The following DLG2 variants were observed in gnomAD, a reference collection of about 807,000 sequenced individuals.
The protein encoded by DLG2 is discs large MAGUK scaffold protein 2.
DLG2 carries 45 observed loss-of-function variants against 132.5 expected under a neutral mutation model. That is an observed-to-expected ratio of 0.34 (90% CI 0.27 to 0.44). The LOEUF (loss-of-function observed/expected upper bound fraction) is 0.44. Ranked by LOEUF, DLG2 falls within the 20% of genes least tolerant of loss-of-function variation. The pLI is 1.00. For missense variants in DLG2, 1,045 were observed against 1,196.9 expected (o/e 0.87, Z 1.87); for synonymous variants, 424 against 419.6 (o/e 1.01, Z -0.13).
intron 15 of DLG2, among the ~76,000 whole-genome samples, chr11:83,923,007 C>T (rs2078240069): frequency 6.6e-6 from 1 of 151,974 alleles, no homozygotes; most frequent in East Asian, 1.9e-4. Context: ...CACATGCTGC[C>T]ATTTACAGGG....
chr11:85,259,185 C>G lies in DLG2; in HGVS notation c.186+26035G>C, dbSNP rs116276828. On this transcript the variant is annotated intron_variant, in intron 4 of 27. Transcript: ENST00000376104. ...GGGGCTGGTTTCTCATGGTTCATCA[C>G]TGTCCCCCTAGTGCTGTCTCCTGAC... Among the ~76,000 whole-genome samples, 567 of 152,234 alleles carry G rather than the reference C, an allele frequency of 3.7e-3. 7 individuals carry two copies. Among genetic ancestry groups the G allele is most frequent in the African/African-American group, 0.013 (530 of 41,564 alleles).
At chr11:84,154,606 G>C (rs1053931955) in intron 9 of DLG2, among the ~76,000 whole-genome samples, 1 of 151,996 alleles carries the variant, frequency 6.6e-6, no homozygotes, top group Non-Finnish European at 1.5e-5. Flanking sequence ...CCAGTAACTC[G>C]TCATTTACAT....
intron 7 of DLG2, among the ~76,000 whole-genome samples, chr11:84,458,238 AG>A (rs914785447): frequency 1.3e-5 from 2 of 150,954 alleles, no homozygotes. Flanking sequence ...TGATAAAATA[AG>A]TATACAAAAT....
At chr11:85,459,623 G>A (rs2153054752) in intron 3 of DLG2, among the ~76,000 whole-genome samples, 1 of 152,244 alleles carries the variant, frequency 6.6e-6, no homozygotes, top group East Asian at 1.9e-4. Context: ...TCCCAGGGAA[G>A]ACAGATCACT....
intron 6 of DLG2, among the ~76,000 whole-genome samples, chr11:84,645,152 G>A (rs1312057842): frequency 6.6e-6 from 1 of 152,200 alleles, no homozygotes; most frequent in Non-Finnish European, 1.5e-5. Flanking sequence ...AACTGGTTAT[G>A]AAGGGAGACA....
chr11:83,853,314 C>T (rs902431504), intron 16 of DLG2, among the ~76,000 whole-genome samples: 1 of 152,124 alleles, frequency 6.6e-6, no homozygotes, highest in Non-Finnish European at 1.5e-5. Context: ...GTCTCCTCAG[C>T]TCTCCCTAAC....
chr11:85,477,697 T>C (rs1028156240), intron 3 of DLG2, among the ~76,000 whole-genome samples: 3 of 152,152 alleles, frequency 2.0e-5, no homozygotes, highest in Admixed American at 2.0e-4. Context: ...TGAGAAAAGC[T>C]CCAAATTATT....
At chr11:83,905,563 G>T (rs746227535) in intron 15 of DLG2, among the ~76,000 whole-genome samples, 11 of 152,160 alleles carry the variant, frequency 7.2e-5, no homozygotes, top group Non-Finnish European at 1.5e-4. Context: ...GTTCTCCAAA[G>T]CTTTTAGCAA....
At chr11:85,315,779 C>T (rs1419595236) in intron 3 of DLG2, among the ~76,000 whole-genome samples, 1 of 151,938 alleles carries the variant, frequency 6.6e-6, no homozygotes, top group Admixed American at 6.6e-5. Context: ...AGGAGTGAGG[C>T]CACCTTGTTT....
At chr11:85,583,122 GTGTGTGTGTATATATATA>G (rs1405927720) in intron 3 of DLG2, among the ~76,000 whole-genome samples, 508 of 49,124 alleles carry the variant, frequency 0.01, 7 homozygotes, top group Admixed American at 0.051. Flanking sequence ...GTGTGTGTGT[GTGTGTGTGTATATATATA>G]TATATATATA....
At chr11:84,760,785 G>T (rs1185736491) in intron 6 of DLG2, among the ~76,000 whole-genome samples, 1 of 152,150 alleles carries the variant, frequency 6.6e-6, no homozygotes, top group African/African-American at 2.4e-5. Context: ...CAGCAAAGGT[G>T]GAATGATGTG....
Position 85,086,873 on chromosome 11 carries a change from T to C in DLG2, c.357+24788A>G, listed in dbSNP as rs193150959. ...AATTTTCTTATAGCACAAAAGCAAA[T>C]TGAAATATGAAGCAATGAAACAGTT... On this transcript the variant is annotated intron_variant, in intron 6 of 27. Transcript: ENST00000376104. Among the ~76,000 whole-genome samples, 9 of 152,334 alleles carry C rather than the reference T, an allele frequency of 5.9e-5. No individual in the cohort carries two copies. The East Asian group carries it at 1.7e-3, about 29-fold the overall frequency.
rs554711787 is a variant in DLG2, at chr11:84,261,309, G to A, written c.520-10018C>T. ...AGCACATACCTTGCTCATGCCTACC[G>A]CAATGTCTTTGTTTTCATTTCTTCC... On this transcript the variant is annotated intron_variant, in intron 7 of 27. Transcript: ENST00000376104. Among the ~76,000 whole-genome samples the A allele has an allele frequency of 5.1e-4, 78 of 152,202 alleles. 1 individual carries two copies. In the South Asian group the frequency reaches 0.015, roughly 29 times the overall value.
chr11:83,832,776 TA>T (rs373079186), intron 17 of DLG2, among the ~76,000 whole-genome samples: 27 of 150,892 alleles, frequency 1.8e-4, no homozygotes, highest in African/African-American at 2.7e-4. Flanking sequence ...ATTAAAAAGG[TA>T]AAAAAAAAGG....
chr11:84,319,447 GAT>G (rs1372577999), intron 7 of DLG2, among the ~76,000 whole-genome samples: 1 of 152,188 alleles, frequency 6.6e-6, no homozygotes, highest in Non-Finnish European at 1.5e-5. Context: ...TTTTTAGGCA[GAT>G]ATCATTGCAC....
At chr11:85,017,126 A>G (rs530922540) in intron 6 of DLG2, among the ~76,000 whole-genome samples, 1 of 152,266 alleles carries the variant, frequency 6.6e-6, no homozygotes, top group African/African-American at 2.4e-5. Flanking sequence ...CTAGCCCTTT[A>G]CTGGAAAAGT....
intron 18 of DLG2, among the ~76,000 whole-genome samples, chr11:83,759,635 A>C (rs1223975569): frequency 2.0e-5 from 3 of 152,168 alleles, no homozygotes; most frequent in African/African-American, 7.2e-5. Context: ...TTCTTTAAGA[A>C]GTGACTTCCC....
intron 6 of DLG2, among the ~76,000 whole-genome samples, chr11:84,911,179 T>C (rs1292863806): frequency 6.6e-6 from 1 of 152,154 alleles, no homozygotes; most frequent in Non-Finnish European, 1.5e-5. Context: ...TAATACTTTG[T>C]TGTTTTAAGG....
At chr11:83,806,297 C>CA (rs1288552420) in intron 17 of DLG2, among the ~76,000 whole-genome samples, 3 of 152,004 alleles carry the variant, frequency 2.0e-5, no homozygotes, top group Non-Finnish European at 2.9e-5. Flanking sequence ...TAAAACAATA[C>CA]AAAAAAACAG....
Sources: allele counts gnomAD v4.1 joint callset (sites outside exome capture counted in the v4.1 genomes callset), GRCh38; gene constraint gnomAD v4.1.1; transcripts MANE v1.5; gene names NCBI Gene and HGNC (gene_info 2026-07-23, HGNC 2026-07-21).